PLCL1: variants seen among roughly 807,000 people sequenced by gnomAD.
PLCL1 encodes inactive phospholipase C-like protein 1.
Under a neutral mutation model 84.4 loss-of-function variants are expected in PLCL1, and 41 were observed. The ratio of observed to expected loss-of-function variants is 0.49; its 90% CI spans 0.38 to 0.63. PLCL1 has a LOEUF of 0.63. Among genes scored for constraint, PLCL1 ranks in the 30% least tolerant of loss-of-function variants. The pLI is 0.00. For missense variants in PLCL1, 1,206 were observed against 1,367.8 expected, an observed-to-expected ratio of 0.88 and a Z score of 1.87; for synonymous variants, 490 against 488.3, an observed-to-expected ratio of 1.00 and a Z score of -0.05.
At chr2:197,881,535 G>GTA (rs1411555095) in intron 1 of PLCL1, among the ~76,000 whole-genome samples, 1 of 151,774 alleles carries the variant, frequency 6.6e-6, no homozygotes, top group African/African-American at 2.4e-5. Context: ...GTGTGTGTGT[G>GTA]TGTGAGCTAG....
intron 1 of PLCL1, among the ~76,000 whole-genome samples, chr2:197,916,606 C>T (rs1358593932): frequency 6.6e-6 from 1 of 151,868 alleles, no homozygotes; most frequent in Non-Finnish European, 1.5e-5. Flanking sequence ...TTACCAGCAG[C>T]TGCAGCAGTT....
chr2:197,926,626 G>A (rs1688836325), intron 1 of PLCL1, among the ~76,000 whole-genome samples: 1 of 152,070 alleles, frequency 6.6e-6, no homozygotes, highest in African/African-American at 2.4e-5. Flanking sequence ...ACATAAATAA[G>A]ATCAAAAGTA....
At chr2:198,129,920 A>G (rs146773161) in intron 5 of PLCL1, among the ~76,000 whole-genome samples, 148 of 152,212 alleles carry the variant, frequency 9.7e-4, no homozygotes, top group African/African-American at 3.3e-3. Context: ...ACAAAATCTC[A>G]TGGACACTTT....
intron 1 of PLCL1, among the ~76,000 whole-genome samples, chr2:197,932,571 C>G (rs1006842495): frequency 6.6e-6 from 1 of 152,254 alleles, no homozygotes; most frequent in East Asian, 1.9e-4. Context: ...TCCCTGTGTC[C>G]ATGTGTTTTC....
chr2:198,030,789 C>T (rs1691394346), intron 1 of PLCL1, among the ~76,000 whole-genome samples: 1 of 152,140 alleles, frequency 6.6e-6, no homozygotes, highest in Admixed American at 6.6e-5. Flanking sequence ...AGGCGGAATT[C>T]TCACTGACAT....
At chr2:198,125,080 A>G (rs913978003) in intron 5 of PLCL1, among the ~76,000 whole-genome samples, 1 of 152,154 alleles carries the variant, frequency 6.6e-6, no homozygotes, top group African/African-American at 2.4e-5. Flanking sequence ...AGAGAATGCT[A>G]TCTGGGCTCT....
At chr2:198,056,312 T>TC (rs1381915211) in intron 1 of PLCL1, among the ~76,000 whole-genome samples, 1 of 151,842 alleles carries the variant, frequency 6.6e-6, no homozygotes, top group Non-Finnish European at 1.5e-5. Context: ...GTTGTTCCCC[T>TC]CCCCCCCATA....
chr2:197,905,863 G>A (rs1206683829), intron 1 of PLCL1, among the ~76,000 whole-genome samples: 1 of 152,168 alleles, frequency 6.6e-6, no homozygotes, highest in African/African-American at 2.4e-5. Flanking sequence ...CTGCATAAAT[G>A]TCTTCTTTTG....
At chr2:197,963,675 G>C (rs1689668585) in intron 1 of PLCL1, among the ~76,000 whole-genome samples, 1 of 152,030 alleles carries the variant, frequency 6.6e-6, no homozygotes, top group Admixed American at 6.6e-5. Context: ...CAATGTCCTA[G>C]AGAGTTTTCC....
chr2:198,024,394 T>A (rs1454818403), intron 1 of PLCL1, among the ~76,000 whole-genome samples: 1 of 148,110 alleles, frequency 6.8e-6, no homozygotes, highest in Non-Finnish European at 1.5e-5. Flanking sequence ...ACCTAAAGTA[T>A]AATAATTTAA....
intron 5 of PLCL1, among the ~76,000 whole-genome samples, chr2:198,124,155 G>T (rs1693934667): frequency 6.6e-6 from 1 of 152,098 alleles, no homozygotes; most frequent in Non-Finnish European, 1.5e-5. Flanking sequence ...GCATTTTTAT[G>T]TAAAGTGGGG....
Position 197,854,611 on chromosome 2 carries a change from A to G in PLCL1, c.240+49272A>G, listed in dbSNP as rs186325873. 4.6e-3 allele frequency among the ~76,000 whole-genome samples: 694 copies of G among 152,356 alleles called. 7 individuals are homozygous for G. Among genetic ancestry groups the G allele is most frequent in the African/African-American group, 0.016 (658 of 41,600 alleles). On this transcript the variant is annotated intron_variant, in intron 1 of 5. Transcript: ENST00000428675. ...TTAACATTTATTTATAAAGAAATAC[A>G]TACATAATATTATAAAATTTTGTGT... is the stretch of plus-strand genomic sequence containing the variant.
At chr2:197,954,803 C>G (rs140640700) in intron 1 of PLCL1, among the ~76,000 whole-genome samples, 174 of 152,028 alleles carry the variant, frequency 1.1e-3, no homozygotes, top group African/African-American at 4.0e-3. Flanking sequence ...TAGGAAAGAA[C>G]CTCTGACAGA....
chr2:198,143,825 A>G (rs1296000691), intron 5 of PLCL1, among the ~76,000 whole-genome samples: 1 of 152,202 alleles, frequency 6.6e-6, no homozygotes, highest in Non-Finnish European at 1.5e-5. Context: ...AGTTTATATC[A>G]TGTTTCAATG....
intron 5 of PLCL1, among the ~76,000 whole-genome samples, chr2:198,108,511 G>C (rs1693543404): frequency 6.6e-6 from 1 of 151,812 alleles, no homozygotes; most frequent in Non-Finnish European, 1.5e-5. Context: ...GTGCAAAGGG[G>C]CATTGGCTTT....
At chr2:197,969,881 C>T (rs1026025753) in intron 1 of PLCL1, among the ~76,000 whole-genome samples, 1 of 152,182 alleles carries the variant, frequency 6.6e-6, no homozygotes, top group East Asian at 1.9e-4. Flanking sequence ...TCCAGAGTCT[C>T]CTGCTGACCT....
At chr2:197,846,779 G>A (rs1037062556) in intron 1 of PLCL1, among the ~76,000 whole-genome samples, 11 of 152,224 alleles carry the variant, frequency 7.2e-5, no homozygotes, top group Admixed American at 4.6e-4. Context: ...AGAAAGCAAC[G>A]AAGTCGCACA....
intron 1 of PLCL1, among the ~76,000 whole-genome samples, chr2:198,019,751 C>A (rs1259149686): frequency 6.6e-6 from 1 of 152,116 alleles, no homozygotes; most frequent in East Asian, 1.9e-4. Flanking sequence ...AAAGACCAAA[C>A]CTACATTTGA....
At chr2:197,948,150 A>G (rs1518361) in intron 1 of PLCL1, among the ~76,000 whole-genome samples, 109,358 of 152,036 alleles carry the variant, frequency 0.72, 40,264 homozygotes, top group African/African-American at 0.87. Context: ...TGGGGGTAGA[A>G]CAGAAAGGAT....
Sources: allele counts gnomAD v4.1 joint callset (sites outside exome capture counted in the v4.1 genomes callset), GRCh38; gene constraint gnomAD v4.1.1; transcripts MANE v1.5; gene names NCBI Gene and HGNC (gene_info 2026-07-23, HGNC 2026-07-21).